Variants in STIM1 observed in about 807,000 individuals in gnomAD.
STIM1 encodes stromal interaction molecule 1.
A neutral mutation model predicts 74.7 loss-of-function variants in STIM1; 25 were observed. The ratio of observed to expected loss-of-function variants is 0.33; its 90% CI spans 0.24 to 0.47. The LOEUF (loss-of-function observed/expected upper bound fraction) is 0.47, where lower values mean the gene tolerates loss of function less well. Ranked by LOEUF, STIM1 falls within the 20% of genes least tolerant of loss-of-function variation. The pLI, the probability that STIM1 is intolerant of heterozygous loss-of-function variation, is 1.00. For synonymous variants in STIM1, 328 were observed against 348.8 expected, an observed-to-expected ratio of 0.94 and a Z score of 0.66; for missense variants, 728 against 920.8, an observed-to-expected ratio of 0.79 and a Z score of 2.71.
intron 2 of STIM1, among the ~76,000 whole-genome samples, chr11:3,996,968 G>A (rs1026836768): frequency 5.9e-5 from 9 of 152,198 alleles, no homozygotes; most frequent in Non-Finnish European, 1.0e-4. Flanking sequence ...TTTCTAATTA[G>A]TGATCTATTT....
chr11:3,863,774 C>T (rs550667726), intron 1 of STIM1, among the ~76,000 whole-genome samples: 25 of 152,208 alleles, frequency 1.6e-4, no homozygotes, highest in African/African-American at 5.8e-4. Context: ...GTCTTGGTGT[C>T]ACAGTGCTTG....
chr11:3,958,396 G>A (rs1371273365), intron 1 of STIM1, among the ~76,000 whole-genome samples: 1 of 151,860 alleles, frequency 6.6e-6, no homozygotes, highest in African/African-American at 2.4e-5. Flanking sequence ...TGTTAGTGTT[G>A]CTTGGGCAGC....
chr11:4,038,797 T>G (rs986954384), intron 3 of STIM1, among the ~76,000 whole-genome samples: 2 of 152,196 alleles, frequency 1.3e-5, no homozygotes, highest in African/African-American at 4.8e-5. Context: ...TATCTTTCAC[T>G]TGGTTCCAGA....
intron 3 of STIM1, among the ~76,000 whole-genome samples, chr11:4,040,602 C>T (rs1167568965): frequency 1.3e-5 from 2 of 152,210 alleles, no homozygotes; most frequent in East Asian, 3.8e-4. Context: ...TGGAGTGCAG[C>T]ATTTTATATG....
chr11:3,991,953 AAAAAAAAAAAAAAAAAAAAG>A (rs2093615811), intron 2 of STIM1, among the ~76,000 whole-genome samples: 1 of 111,258 alleles, frequency 9.0e-6, no homozygotes, highest in African/African-American at 3.1e-5. Context: ...TCCATCTCAA[AAAAAAAAAAAAAAAAAAAAG>A]AAAAAAAAAA....
At chr11:3,974,056 T>C in intron 2 of STIM1, 2 of 702,864 alleles carry the variant, frequency 2.8e-6, no homozygotes, top group South Asian at 1.5e-5. Context: ...CAGTGGCATA[T>C]GTGACAAACC....
chr11:3,942,238 C>T (rs769198487), intron 1 of STIM1, among the ~76,000 whole-genome samples: 2 of 152,104 alleles, frequency 1.3e-5, no homozygotes, highest in Non-Finnish European at 2.9e-5. Context: ...CCTGGTCTGT[C>T]TACTCCAATG....
chr11:3,964,587 G>A (rs1406272146), intron 1 of STIM1, among the ~76,000 whole-genome samples: 1 of 152,158 alleles, frequency 6.6e-6, no homozygotes, highest in Non-Finnish European at 1.5e-5. Context: ...CAGGCCAGTG[G>A]TGCAGCCTGG....
At chr11:3,986,061 G>A (rs1387867553) in intron 2 of STIM1, among the ~76,000 whole-genome samples, 1 of 151,978 alleles carries the variant, frequency 6.6e-6, no homozygotes, top group Non-Finnish European at 1.5e-5. Context: ...CATATTTAGT[G>A]TGTGCTATGT....
intron 1 of STIM1, among the ~76,000 whole-genome samples, chr11:3,967,318 A>G (rs867087298): frequency 2.3e-4 from 35 of 152,140 alleles, no homozygotes; most frequent in African/African-American, 8.4e-4. Flanking sequence ...CCTATGCAAG[A>G]CTTCCCTGCC....
intron 1 of STIM1, among the ~76,000 whole-genome samples, chr11:3,881,564 G>T (rs976494546): frequency 6.6e-6 from 1 of 152,052 alleles, no homozygotes; most frequent in African/African-American, 2.4e-5. Flanking sequence ...GTGGAGATGG[G>T]GTTTCACCCT....
intron 1 of STIM1, among the ~76,000 whole-genome samples, chr11:3,897,516 TTTA>T (rs1241985711): frequency 1.3e-5 from 2 of 152,130 alleles, no homozygotes; most frequent in Non-Finnish European, 2.9e-5. Context: ...ATTTTTTTAT[TTTA>T]TTATTATTAT....
chr11:3,930,167 A>T (rs1421108621), intron 1 of STIM1, among the ~76,000 whole-genome samples: 1 of 152,154 alleles, frequency 6.6e-6, no homozygotes, highest in African/African-American at 2.4e-5. Flanking sequence ...AAAAAAACCC[A>T]AACATGTATT....
At chr11:3,905,787 T>G (rs2092456138) in intron 1 of STIM1, among the ~76,000 whole-genome samples, 1 of 152,256 alleles carries the variant, frequency 6.6e-6, no homozygotes. Flanking sequence ...ATGTATTCTT[T>G]CTGCTTCCCA....
At chr11:4,035,001 T>C (rs2094086705) in intron 3 of STIM1, among the ~76,000 whole-genome samples, 1 of 152,198 alleles carries the variant, frequency 6.6e-6, no homozygotes, top group Non-Finnish European at 1.5e-5. Context: ...ATTGGTCTTA[T>C]TAGATCTTTG....
intron 1 of STIM1, among the ~76,000 whole-genome samples, chr11:3,895,733 TCTTTTTCTTTCTTCCTTC>T (rs1383905534): frequency 0.022 from 894 of 40,424 alleles, 135 homozygotes; most frequent in East Asian, 0.077. Flanking sequence ...TTTCTTTCTT[TCTTTTTCTTTCTTCCTTC>T]CTTCCTTCCT....
At chr11:3,986,192 T>G (rs561907806) in intron 2 of STIM1, among the ~76,000 whole-genome samples, 127 of 152,314 alleles carry the variant, frequency 8.3e-4, no homozygotes, top group African/African-American at 3.0e-3. Flanking sequence ...CCATAGATAT[T>G]GTAACAAGAG....
intron 2 of STIM1, among the ~76,000 whole-genome samples, chr11:4,018,452 C>G (rs1410713704): frequency 3.0e-5 from 3 of 100,814 alleles, no homozygotes; most frequent in South Asian, 7.4e-4. Context: ...GAGCGAGACT[C>G]CGTCTCAAAA....
In STIM1 at chr11:4,056,189, A is replaced by C. The variant is rs535934087; in HGVS notation, c.497+552A>C. ...TATCCATATACAGCTTATTTATAAT[A>C]AAAATGGTACAGAGGAGAGGCTGAT... is the stretch of plus-strand genomic sequence containing the variant. On this transcript the variant is annotated intron_variant, in intron 4 of 12. Coordinates refer to ENST00000526596, the MANE Select transcript of STIM1 (RefSeq NM_001382567.1). Among the ~76,000 whole-genome samples the C allele has an allele frequency of 1.8e-4, 27 of 152,254 alleles. No individual in the cohort carries two copies. The East Asian group carries it at 3.9e-3, about 22-fold the overall frequency.
Sources: gnomAD v4.1 joint callset for allele counts (sites outside exome capture counted in the v4.1 genomes callset) on GRCh38, gnomAD v4.1.1 for gene constraint, MANE v1.5 for transcripts, NCBI Gene and HGNC (gene_info 2026-07-23, HGNC 2026-07-21) for gene names.